The following RFX3 variants were observed in gnomAD, a reference collection of about 807,000 sequenced individuals.
RFX3 encodes the protein transcription factor RFX3.
In RFX3, 14 loss-of-function variants were observed where a neutral mutation model predicts 98.6. The ratio of observed to expected loss-of-function variants is 0.14; its 90% CI spans 0.09 to 0.22. RFX3 has a LOEUF of 0.22. RFX3 is among the 10% of genes least tolerant of loss of function. The pLI, the probability that RFX3 is intolerant of heterozygous loss-of-function variation, is 1.00. For missense variants in RFX3, 639 were observed against 926.9 expected (o/e 0.69, Z 4.03); for synonymous variants, 383 against 328.4 (o/e 1.17, Z -1.80).
At chr9:3,366,218 T>C (rs184765438) in intron 2 of RFX3, among the ~76,000 whole-genome samples, 257 of 152,260 alleles carry the variant, frequency 1.7e-3, no homozygotes, top group Non-Finnish European at 2.2e-3. Flanking sequence ...GGAAACACCA[T>C]AGGTGAGCAT....
chr9:3,275,701 A>C, intron 8 of RFX3, 89 bp from the exon 9 acceptor site: 1 of 691,476 alleles, frequency 1.4e-6, no homozygotes, highest in Non-Finnish European at 2.4e-6. Context: ...GACCAAAAAG[A>C]AAAACAAATT....
At chr9:3,396,182 C>G (rs536246044) in intron 1 of RFX3, among the ~76,000 whole-genome samples, 2 of 152,006 alleles carry the variant, frequency 1.3e-5, no homozygotes, top group South Asian at 4.2e-4. Flanking sequence ...AATGCTATGC[C>G]TCCCCCCTCC....
At chr9:3,237,710 T>C (rs1352158399) in intron 15 of RFX3, among the ~76,000 whole-genome samples, 1 of 152,194 alleles carries the variant, frequency 6.6e-6, no homozygotes, top group Non-Finnish European at 1.5e-5. Context: ...GCTTATTTTG[T>C]TGAGGAGAAA....
At chr9:3,258,410 G>A (rs879401049) in intron 13 of RFX3, among the ~76,000 whole-genome samples, 2 of 152,044 alleles carry the variant, frequency 1.3e-5, no homozygotes, top group African/African-American at 2.4e-5. Context: ...TCTAGTTCCA[G>A]TATCTCTCCT....
At chr9:3,414,557 A>T (rs1028466879) in intron 1 of RFX3, among the ~76,000 whole-genome samples, 15 of 149,676 alleles carry the variant, frequency 1.0e-4, no homozygotes, top group African/African-American at 3.4e-4. Flanking sequence ...GTGTGTATAT[A>T]TATATGCTAG....
intron 3 of RFX3, among the ~76,000 whole-genome samples, chr9:3,337,226 T>C (rs1397616832): frequency 6.6e-6 from 1 of 152,164 alleles, no homozygotes; most frequent in East Asian, 1.9e-4. Flanking sequence ...TTCTGGAACC[T>C]GTGAAATAGA....
chr9:3,248,007 T>C, intron 15 of RFX3, 25 bp downstream of exon 15: 1 of 1,614,028 alleles, frequency 6.2e-7, no homozygotes, highest in Non-Finnish European at 8.5e-7. Context: ...ACCCAGTGGG[T>C]CACAGCTCTT....
chr9:3,515,320 T>C (rs1423379530), intron 1 of RFX3, among the ~76,000 whole-genome samples: 1 of 152,206 alleles, frequency 6.6e-6, no homozygotes, highest in Non-Finnish European at 1.5e-5. Context: ...ACAGATATAT[T>C]GATTCTTTGG....
intron 2 of RFX3, among the ~76,000 whole-genome samples, chr9:3,369,575 T>C (rs1301128870): frequency 6.6e-6 from 1 of 152,172 alleles, no homozygotes; most frequent in Non-Finnish European, 1.5e-5. Context: ...TTTACAAGAA[T>C]AAAAGTAATT....
At chr9:3,258,473 A>T (rs1822423668) in intron 13 of RFX3, among the ~76,000 whole-genome samples, 1 of 152,110 alleles carries the variant, frequency 6.6e-6, no homozygotes, top group Non-Finnish European at 1.5e-5. Context: ...AGGCACTTCA[A>T]ATGCAAAATG....
chr9:3,294,157 T>C (rs932206356), intron 5 of RFX3, among the ~76,000 whole-genome samples: 2 of 152,210 alleles, frequency 1.3e-5, no homozygotes, highest in African/African-American at 4.8e-5. Flanking sequence ...CATTTATTTA[T>C]TTATAAAAGC....
intron 2 of RFX3, among the ~76,000 whole-genome samples, chr9:3,376,620 G>A (rs1838529025): frequency 6.6e-6 from 1 of 152,136 alleles, no homozygotes; most frequent in Non-Finnish European, 1.5e-5. Flanking sequence ...AAGAGCTTCT[G>A]CACAGCAAAA....
At chr9:3,233,122 C>G (rs1818697700) in intron 15 of RFX3, among the ~76,000 whole-genome samples, 2 of 152,212 alleles carry the variant, frequency 1.3e-5, no homozygotes, top group South Asian at 4.1e-4. Flanking sequence ...GAACACCTCA[C>G]TGGACAACAG....
intron 1 of RFX3, among the ~76,000 whole-genome samples, chr9:3,420,632 T>G (rs1843364160): frequency 1.3e-5 from 2 of 152,192 alleles, no homozygotes; most frequent in Non-Finnish European, 1.5e-5. Flanking sequence ...TTTAGAGTCT[T>G]TCAGCTGCAT....
intron 8 of RFX3, among the ~76,000 whole-genome samples, chr9:3,276,190 A>C (rs1025995931): frequency 4.6e-5 from 7 of 152,164 alleles, no homozygotes; most frequent in Non-Finnish European, 7.4e-5. Flanking sequence ...TGGGTCTGAC[A>C]GATCTATACC....
chr9:3,344,837 T>C (rs1485122864), intron 3 of RFX3: 2 of 715,484 alleles, frequency 2.8e-6, no homozygotes, highest in Non-Finnish European at 5.2e-6. Flanking sequence ...GTAGTTTAAG[T>C]TTATGGTGAA....
chr9:3,353,816 G>A (rs1215452047), intron 2 of RFX3, among the ~76,000 whole-genome samples: 1 of 151,948 alleles, frequency 6.6e-6, no homozygotes, highest in South Asian at 2.1e-4. Context: ...AAAGAAGCAG[G>A]GAAGTGTGAC....
intron 15 of RFX3, among the ~76,000 whole-genome samples, chr9:3,231,205 G>A (rs1207936798): frequency 6.6e-6 from 1 of 152,112 alleles, no homozygotes; most frequent in Non-Finnish European, 1.5e-5. Context: ...AGTTTCACAT[G>A]TACAGCAAAT....
intron 4 of RFX3, among the ~76,000 whole-genome samples, chr9:3,311,086 C>G (rs192119066): frequency 1.3e-5 from 2 of 152,140 alleles, no homozygotes; most frequent in Non-Finnish European, 2.9e-5. Context: ...CTTGTTAATA[C>G]AAGTTACTCT....
Sources: gnomAD v4.1 joint callset for allele counts (sites outside exome capture counted in the v4.1 genomes callset) on GRCh38, gnomAD v4.1.1 for gene constraint, MANE v1.5 for transcripts, NCBI Gene and HGNC (gene_info 2026-07-23, HGNC 2026-07-21) for gene names.